DPP6: variants seen among roughly 807,000 people sequenced by gnomAD.
DPP6 encodes dipeptidyl peptidase like 6.
DPP6 carries 69 observed loss-of-function variants against 122.6 expected under a neutral mutation model. The observed-to-expected ratio is 0.56, with a 90% CI of 0.46 to 0.69. The LOEUF (loss-of-function observed/expected upper bound fraction) is 0.69. Among genes scored for constraint, DPP6 ranks in the 30% least tolerant of loss-of-function variants. The pLI is 0.00. For synonymous variants in DPP6, 418 were observed against 433.1 expected, an observed-to-expected ratio of 0.97 and a Z score of 0.43; for missense variants, 928 against 1,116.9, an observed-to-expected ratio of 0.83 and a Z score of 2.41.
chr7:153,798,412 C>T, the DPP6 span, among the ~76,000 whole-genome samples: 1 of 152,214 alleles, frequency 6.6e-6, no homozygotes, highest in East Asian at 1.9e-4. Context: ...TCTTGTCCCA[C>T]TGCCCAGTCC....
At chr7:154,377,151 G>A (rs1813200826) in intron 1 of DPP6, among the ~76,000 whole-genome samples, 2 of 152,132 alleles carry the variant, frequency 1.3e-5, no homozygotes, top group Admixed American at 6.6e-5. Context: ...TTATCCACAT[G>A]TTGCATACGA....
chr7:154,734,122 A>G (rs1842469223), intron 8 of DPP6, among the ~76,000 whole-genome samples: 1 of 152,250 alleles, frequency 6.6e-6, no homozygotes, highest in South Asian at 2.1e-4. Context: ...AGAAAGCAAT[A>G]TGCTGGAACC....
the DPP6 span, among the ~76,000 whole-genome samples, chr7:153,788,984 A>G: frequency 1.3e-5 from 2 of 150,702 alleles, no homozygotes; most frequent in African/African-American, 4.9e-5. Flanking sequence ...AAAAAAAAGT[A>G]TTCCTGTTTG....
chr7:154,322,669 C>G (rs552261380), intron 1 of DPP6, among the ~76,000 whole-genome samples: 3 of 152,098 alleles, frequency 2.0e-5, no homozygotes, highest in African/African-American at 7.2e-5. Flanking sequence ...AACATTTCCT[C>G]GACTCTAGCA....
chr7:154,615,162 G>A (rs1339120596), intron 5 of DPP6, among the ~76,000 whole-genome samples: 1 of 152,198 alleles, frequency 6.6e-6, no homozygotes. Context: ...TTTATCATGG[G>A]TAGATTTCTG....
At chr7:154,156,933 A>G (rs1325777989) in intron 1 of DPP6, among the ~76,000 whole-genome samples, 121 of 152,258 alleles carry the variant, frequency 7.9e-4, no homozygotes, top group East Asian at 3.9e-3. Flanking sequence ...GTGGGGAGGT[A>G]TATATTGGTG....
At chr7:154,220,163 G>T (rs773479360) in intron 1 of DPP6, among the ~76,000 whole-genome samples, 2 of 152,142 alleles carry the variant, frequency 1.3e-5, no homozygotes, top group Non-Finnish European at 2.9e-5. Context: ...CAAGAGATGG[G>T]TCCTTTGCGG....
intron 1 of DPP6, among the ~76,000 whole-genome samples, chr7:154,245,376 T>C (rs1367064917): frequency 6.6e-6 from 1 of 151,650 alleles, no homozygotes; most frequent in Non-Finnish European, 1.5e-5. Flanking sequence ...GGCTCAGGTC[T>C]GCAATCCCAG....
intron 1 of DPP6, among the ~76,000 whole-genome samples, chr7:154,390,164 A>C (rs1428895381): frequency 6.6e-6 from 1 of 152,208 alleles, no homozygotes; most frequent in African/African-American, 2.4e-5. Flanking sequence ...GCTCAGATGC[A>C]AGTGGGGGAA....
At chr7:154,545,923 A>G (rs1362312119) in intron 4 of DPP6, among the ~76,000 whole-genome samples, 1 of 152,214 alleles carries the variant, frequency 6.6e-6, no homozygotes, top group Non-Finnish European at 1.5e-5. Context: ...TAAGATTTAT[A>G]TAGTCATTCA....
At chr7:154,399,560 C>T (rs751757299) in intron 1 of DPP6, among the ~76,000 whole-genome samples, 1 of 152,194 alleles carries the variant, frequency 6.6e-6, no homozygotes, top group Non-Finnish European at 1.5e-5. Context: ...AGTTTCTTTA[C>T]ATCTTTCTTG....
At chr7:154,825,567 T>C (rs934703554) in intron 16 of DPP6, among the ~76,000 whole-genome samples, 2 of 152,214 alleles carry the variant, frequency 1.3e-5, no homozygotes, top group Non-Finnish European at 2.9e-5. Flanking sequence ...GAAAAGAGAA[T>C]GCTGCCACGA....
chr7:154,246,276 T>C (rs1162934448), intron 1 of DPP6, among the ~76,000 whole-genome samples: 1 of 152,106 alleles, frequency 6.6e-6, no homozygotes, highest in Non-Finnish European at 1.5e-5. Flanking sequence ...GCTTTCATTG[T>C]TTAAATAGGG....
At chr7:154,261,448 ATCATAAAAACCCT>A (rs1200502806) in intron 1 of DPP6, among the ~76,000 whole-genome samples, 1 of 152,240 alleles carries the variant, frequency 6.6e-6, no homozygotes, top group Non-Finnish European at 1.5e-5. Context: ...AGAAGATAAC[ATCATAAAAACCCT>A]TCTAGACATT....
the DPP6 span, among the ~76,000 whole-genome samples, chr7:153,821,859 C>A: frequency 6.6e-6 from 1 of 151,928 alleles, no homozygotes; most frequent in Non-Finnish European, 1.5e-5. Context: ...CCTCCAGTGA[C>A]AAGCTCTGTG....
chr7:154,886,376 T>G (rs1389177075), intron 22 of DPP6, among the ~76,000 whole-genome samples: 3 of 152,106 alleles, frequency 2.0e-5, no homozygotes, highest in Non-Finnish European at 4.4e-5. Context: ...GGGGATCAGA[T>G]GGAGATGAGC....
chr7:153,879,124 G>GTGATGAGATTTGTACTTCAGATA, the DPP6 span, among the ~76,000 whole-genome samples: 1 of 152,180 alleles, frequency 6.6e-6, no homozygotes, highest in Non-Finnish European at 1.5e-5. Context: ...GTGTGGTGAT[G>GTGATGAGATTTGTACTTCAGATA]TGATGAGATT....
chr7:154,054,109 A>G (rs927843399), intron 1 of DPP6, among the ~76,000 whole-genome samples: 8 of 150,960 alleles, frequency 5.3e-5, no homozygotes, highest in African/African-American at 1.9e-4. Flanking sequence ...AGAAATTACT[A>G]TGTATGCCTT....
At chr7:154,107,689 G>A (rs1806269654) in intron 1 of DPP6, among the ~76,000 whole-genome samples, 1 of 152,208 alleles carries the variant, frequency 6.6e-6, no homozygotes, top group Non-Finnish European at 1.5e-5. Context: ...ATGAATATAT[G>A]TAATTATTAT....
Sources: allele counts gnomAD v4.1 joint callset (sites outside exome capture counted in the v4.1 genomes callset), GRCh38; gene constraint gnomAD v4.1.1; transcripts MANE v1.5; gene names NCBI Gene and HGNC (gene_info 2026-07-23, HGNC 2026-07-21).